USH2A: variants seen among roughly 807,000 people sequenced by gnomAD.
The protein encoded by USH2A is Usher syndrome 2A (autosomal recessive, mild).
Under a neutral mutation model 538.9 loss-of-function variants are expected in USH2A, and 443 were observed. That is an observed-to-expected ratio of 0.82 (90% CI 0.76 to 0.89). USH2A has a LOEUF of 0.89. USH2A is among the 40% of genes least tolerant of loss of function. USH2A has a pLI of 0.00. For missense variants in USH2A, 6,633 were observed against 6,324.8 expected (o/e 1.05, Z -1.65); for synonymous variants, 2,413 against 2,273.5 (o/e 1.06, Z -1.75).
At chr1:216,171,904 G>T (rs2034282742) in intron 21 of USH2A, among the ~76,000 whole-genome samples, 1 of 151,974 alleles carries the variant, frequency 6.6e-6, no homozygotes, top group African/African-American at 2.4e-5. Context: ...TTTAAACTAT[G>T]ATGTAAATGA....
chr1:216,370,424 G>A (rs1022167348), intron 3 of USH2A, among the ~76,000 whole-genome samples: 53 of 151,584 alleles, frequency 3.5e-4, no homozygotes, highest in African/African-American at 1.1e-3. Context: ...ATTCCTAGCA[G>A]TTTGGGAGGC....
At chr1:215,748,529 C>T (rs1660544470) in intron 58 of USH2A, among the ~76,000 whole-genome samples, 1 of 152,192 alleles carries the variant, frequency 6.6e-6, no homozygotes, top group Admixed American at 6.5e-5. Context: ...ATGATTGCTT[C>T]AGGCTCTGTT....
rs2102480489 is a variant in USH2A at position 216,207,142 on chromosome 1, T to A, written c.3316+131A>T. 2.7e-6 allele frequency: 3 copies of A among 1,092,496 alleles called. No homozygotes were observed. In the East Asian group the frequency reaches 7.6e-5, roughly 28 times the overall value. 67.7% of individuals were successfully genotyped at this position (1,092,496 alleles called of 1,614,324 possible). A position where few individuals can be genotyped will look rare whatever the true frequency, so the allele number is the denominator to read the frequency against. On this transcript the variant is annotated intron_variant, in intron 16 of 71. Coordinates refer to ENST00000307340, the MANE Select transcript of USH2A (RefSeq NM_206933.4). ...TTTGATTACTAGTGAAATTTGTAAT[T>A]TTATCTCTGTTTGAAACACTCTGTG...
intron 32 of USH2A, among the ~76,000 whole-genome samples, chr1:216,042,375 T>G (rs1029321727): frequency 6.6e-6 from 1 of 152,004 alleles, no homozygotes; most frequent in African/African-American, 2.4e-5. Flanking sequence ...TTATCAATTA[T>G]TTTCCCTATC....
In USH2A at chr1:215,782,945, G is replaced by T. The variant is rs762244836; in HGVS notation, c.10388-10C>A. 1.2e-5 allele frequency: 20 copies of T among 1,608,724 alleles called. No homozygotes were observed. Among genetic ancestry groups the T allele is most frequent in the Non-Finnish European group, 1.2e-5 (14 of 1,177,780 alleles). ...GGCTTGAGGTTCACATCTGGAAAGAGAAAAAATAGACAGGGAAGTTTCTCT... is the reference window on the plus strand; with the variant it reads ...GGCTTGAGGTTCACATCTGGAAAGATAAAAAATAGACAGGGAAGTTTCTCT... On this transcript the variant is annotated splice_polypyrimidine_tract_variant and intron_variant, in intron 52 of 71. Transcript: ENST00000307340.
At chr1:216,051,589 G>A (rs1469088093) in intron 30 of USH2A, among the ~76,000 whole-genome samples, 2 of 152,294 alleles carry the variant, frequency 1.3e-5, no homozygotes, top group East Asian at 3.9e-4. Flanking sequence ...TAATCCTAAT[G>A]TCAATAAGGA....
At chr1:216,029,752 T>TA (rs1669048329) in intron 32 of USH2A, among the ~76,000 whole-genome samples, 5 of 151,832 alleles carry the variant, frequency 3.3e-5, no homozygotes, top group Admixed American at 3.3e-4. Flanking sequence ...ATGAATAAGA[T>TA]AGGGCACTTA....
chr1:215,632,790 A>C (rs951545560), intron 70 of USH2A, among the ~76,000 whole-genome samples: 2 of 152,192 alleles, frequency 1.3e-5, no homozygotes, highest in African/African-American at 4.8e-5. Context: ...GGCTCCTTAA[A>C]GAAAGTTATT....
At chr1:215,824,329 G>A (rs551741479) in intron 47 of USH2A, among the ~76,000 whole-genome samples, 1 of 152,066 alleles carries the variant, frequency 6.6e-6, no homozygotes, top group East Asian at 1.9e-4. Context: ...TTTGCATAGA[G>A]ATTCTTTGTA....
At chr1:215,949,947 T>C (rs1666872007) in intron 37 of USH2A, among the ~76,000 whole-genome samples, 1 of 152,092 alleles carries the variant, frequency 6.6e-6, no homozygotes, top group Non-Finnish European at 1.5e-5. Context: ...AAAGAACATA[T>C]GGAAAATGTT....
chr1:215,880,749 T>G (rs751616157), intron 41 of USH2A, among the ~76,000 whole-genome samples: 6 of 152,206 alleles, frequency 3.9e-5, no homozygotes, highest in Admixed American at 1.3e-4. Context: ...GAATACGGCT[T>G]TCTTGCCTCT....
chr1:216,416,103 T>C (rs1190361650), intron 3 of USH2A, among the ~76,000 whole-genome samples: 5 of 151,932 alleles, frequency 3.3e-5, no homozygotes, highest in Admixed American at 3.3e-4. Flanking sequence ...GAGACGGAGG[T>C]TGCAGTGAGC....
chr1:216,366,237 A>C (rs150105851), intron 3 of USH2A, among the ~76,000 whole-genome samples: 1 of 152,122 alleles, frequency 6.6e-6, no homozygotes, highest in South Asian at 2.1e-4. Context: ...ATGCAAAGGA[A>C]AGGTTGGATG....
At chr1:215,978,486 A>G (rs1446385179) in intron 35 of USH2A, among the ~76,000 whole-genome samples, 1 of 152,210 alleles carries the variant, frequency 6.6e-6, no homozygotes, top group African/African-American at 2.4e-5. Context: ...GATTAATATA[A>G]ATATATTGAA....
chr1:216,257,211 A>G (rs928261963), intron 11 of USH2A, among the ~76,000 whole-genome samples: 1 of 151,820 alleles, frequency 6.6e-6, no homozygotes, highest in African/African-American at 2.4e-5. Context: ...GTCTTATAGT[A>G]TAGGTTTCTG....
intron 44 of USH2A, among the ~76,000 whole-genome samples, 187 bp from the exon 45 acceptor site, chr1:215,846,220 T>C (rs1360129356): frequency 6.6e-6 from 1 of 152,190 alleles, no homozygotes; most frequent in Non-Finnish European, 1.5e-5. Context: ...TTATTTTATT[T>C]ATTTATTTTT....
intron 3 of USH2A, among the ~76,000 whole-genome samples, chr1:216,377,921 AAG>A (rs956487198): frequency 2.8e-4 from 43 of 151,802 alleles, no homozygotes; most frequent in African/African-American, 1.0e-3. Context: ...AAGAGAAAGA[AAG>A]AGAAAAAAGA....
intron 30 of USH2A, among the ~76,000 whole-genome samples, chr1:216,057,595 G>A (rs950307676): frequency 6.6e-6 from 1 of 152,140 alleles, no homozygotes; most frequent in African/African-American, 2.4e-5. Flanking sequence ...GCTGAGACAG[G>A]AGAATTGCTT....
At chr1:216,272,651 C>G (rs1374632097) in intron 11 of USH2A, among the ~76,000 whole-genome samples, 1 of 152,034 alleles carries the variant, frequency 6.6e-6, no homozygotes, top group Non-Finnish European at 1.5e-5. Flanking sequence ...TTCCTTTCTT[C>G]CCAGATTCAT....
Sources: allele counts gnomAD v4.1 joint callset (sites outside exome capture counted in the v4.1 genomes callset), GRCh38; gene constraint gnomAD v4.1.1; transcripts MANE v1.5; gene names NCBI Gene and HGNC (gene_info 2026-07-23, HGNC 2026-07-21).